The following LCLAT1 variants were observed in gnomAD, a reference collection of about 807,000 sequenced individuals.
LCLAT1 encodes lysocardiolipin acyltransferase 1.
LCLAT1 carries 11 observed loss-of-function variants against 30.7 expected under a neutral mutation model. The ratio of observed to expected loss-of-function variants is 0.36; its 90% CI spans 0.23 to 0.59. The LOEUF (loss-of-function observed/expected upper bound fraction) is 0.59. LCLAT1 is among the 20% of genes least tolerant of loss of function. The pLI is 0.77. For synonymous variants in LCLAT1, 155 were observed against 151.3 expected, an observed-to-expected ratio of 1.02 and a Z score of -0.18; for missense variants, 402 against 458.6, an observed-to-expected ratio of 0.88 and a Z score of 1.13.
chr2:30,561,994 C>T, intron 3 of LCLAT1, 152 bp from the exon 4 acceptor site: 1 of 447,378 alleles, frequency 2.2e-6, no homozygotes, highest in South Asian at 8.2e-5. Context: ...GTTATTTAAC[C>T]CAAGATCAGT....
intron 3 of LCLAT1, among the ~76,000 whole-genome samples, chr2:30,552,916 G>A (rs755046392): frequency 2.0e-5 from 3 of 152,146 alleles, no homozygotes; most frequent in South Asian, 2.1e-4. Flanking sequence ...TTCTGTGGTT[G>A]CATCCACATC....
rs550434062 is a variant in LCLAT1, at chr2:30,641,319, G to A, written c.*700G>A. 6.6e-6 allele frequency: 1 copy of A among 152,298 alleles called. No individual in the cohort carries two copies. The highest frequency in any genetic ancestry group is 6.5e-5 in the Admixed American group (1 of 15,298). The allele number at this position is 152,298 out of a possible 1,614,324, so 9.4% of individuals were successfully genotyped here. A position where few individuals can be genotyped will look rare whatever the true frequency, so the allele number is the denominator to read the frequency against. On this transcript the variant is annotated 3_prime_UTR_variant, in exon 6 of 6. Coordinates refer to ENST00000379509, the MANE Select transcript of LCLAT1 (RefSeq NM_001002257.3). ...ACTTTAGTTTGAATTTTAAAAGATA[G>A]GAAGTAATACAGTTTAAGTTCCTTT...
intron 5 of LCLAT1, among the ~76,000 whole-genome samples, chr2:30,603,752 A>G (rs910785576): frequency 1.3e-5 from 2 of 152,178 alleles, no homozygotes; most frequent in Admixed American, 6.6e-5. Flanking sequence ...ATGTAAGATT[A>G]TAGTCCTGAT....
At chr2:30,636,473 G>GAACT (rs1331013652) in intron 5 of LCLAT1, among the ~76,000 whole-genome samples, 1 of 152,106 alleles carries the variant, frequency 6.6e-6, no homozygotes, top group Non-Finnish European at 1.5e-5. Flanking sequence ...ATAGATATAG[G>GAACT]AACTAAGTAA....
chr2:30,633,038 C>T (rs1210422683), intron 5 of LCLAT1, among the ~76,000 whole-genome samples: 1 of 152,152 alleles, frequency 6.6e-6, no homozygotes, highest in Non-Finnish European at 1.5e-5. Flanking sequence ...CTAAATATAT[C>T]TGAATCAATC....
chr2:30,504,713 T>TC (rs1300930029), intron 1 of LCLAT1, among the ~76,000 whole-genome samples: 1 of 152,142 alleles, frequency 6.6e-6, no homozygotes, highest in Non-Finnish European at 1.5e-5. Flanking sequence ...CTTTTCTCTC[T>TC]CCCTTCTTTC....
At chr2:30,557,028 G>A (rs7603947) in intron 3 of LCLAT1, among the ~76,000 whole-genome samples, 19,321 of 152,010 alleles carry the variant, frequency 0.13, 1,358 homozygotes, top group South Asian at 0.23. Flanking sequence ...ACAGGCATGA[G>A]CCACCATGCC....
At chr2:30,453,649 T>G (rs1181518818) in intron 1 of LCLAT1, among the ~76,000 whole-genome samples, 1 of 152,200 alleles carries the variant, frequency 6.6e-6, no homozygotes, top group African/African-American at 2.4e-5. Flanking sequence ...GTCTTTGAGC[T>G]TACTGTGTAG....
At chr2:30,464,420 G>C (rs1468722464) in intron 1 of LCLAT1, among the ~76,000 whole-genome samples, 1 of 152,090 alleles carries the variant, frequency 6.6e-6, no homozygotes, top group African/African-American at 2.4e-5. Flanking sequence ...AATAAATTTT[G>C]CTGCCTTTGG....
At chr2:30,554,074 T>C (rs970592975) in intron 3 of LCLAT1, among the ~76,000 whole-genome samples, 3 of 152,072 alleles carry the variant, frequency 2.0e-5, no homozygotes, top group Admixed American at 6.5e-5. Flanking sequence ...ACATTTAAGC[T>C]AAAAGAAGTA....
intron 5 of LCLAT1, among the ~76,000 whole-genome samples, chr2:30,638,407 A>G (rs1669138781): frequency 6.6e-6 from 1 of 152,184 alleles, no homozygotes; most frequent in South Asian, 2.1e-4. Context: ...CACCCAGAAA[A>G]TTTCCTTATG....
At chr2:30,623,910 C>A (rs1219841199) in intron 5 of LCLAT1, among the ~76,000 whole-genome samples, 8 of 152,176 alleles carry the variant, frequency 5.3e-5, no homozygotes, top group Admixed American at 1.3e-4. Context: ...AGATTAACAG[C>A]AGATTTCTCA....
chr2:30,488,157 C>G (rs890792985), intron 1 of LCLAT1, among the ~76,000 whole-genome samples: 1 of 152,184 alleles, frequency 6.6e-6, no homozygotes, highest in Non-Finnish European at 1.5e-5. Flanking sequence ...GAATGTTTGG[C>G]TTTGTAGTAG....
intron 5 of LCLAT1, among the ~76,000 whole-genome samples, chr2:30,630,603 T>G (rs1668721162): frequency 6.6e-6 from 1 of 152,248 alleles, no homozygotes; most frequent in South Asian, 2.1e-4. Context: ...ATATAAAATT[T>G]TATGTCTAAA....
intron 5 of LCLAT1, among the ~76,000 whole-genome samples, chr2:30,617,344 A>T (rs1406524007): frequency 6.6e-6 from 1 of 152,076 alleles, no homozygotes; most frequent in Non-Finnish European, 1.5e-5. Context: ...TTTCATCCAT[A>T]TTGCTGCATG....
chr2:30,486,451 C>T (rs1683560295), intron 1 of LCLAT1, among the ~76,000 whole-genome samples: 1 of 152,158 alleles, frequency 6.6e-6, no homozygotes, highest in African/African-American at 2.4e-5. Context: ...ACTGACCTAA[C>T]CACCCTTACT....
chr2:30,607,296 A>C (rs1667495553), intron 5 of LCLAT1: 1 of 152,154 alleles, frequency 6.6e-6, no homozygotes. Flanking sequence ...TCAGCTTCCC[A>C]AAGTGCTGGG....
rs188917983 is a variant in LCLAT1, at chr2:30,622,809, T to C, written c.629-17308T>C. Among the ~76,000 whole-genome samples the C allele has an allele frequency of 3.6e-3, 541 of 152,196 alleles. 3 individuals carry two copies. The highest frequency in any genetic ancestry group is 6.1e-3 in the Non-Finnish European group (418 of 68,026). On this transcript the variant is annotated intron_variant, in intron 5 of 5. Transcript: ENST00000379509. Reference sequence around the variant, plus strand: ...GGGACAAAAGAATCTGAACAGCAGCTCTTGAGCCCCCAATCTTTCCTCTGG... The same window carrying C: ...GGGACAAAAGAATCTGAACAGCAGCCCTTGAGCCCCCAATCTTTCCTCTGG...
chr2:30,559,893 A>C (rs1328343891), intron 3 of LCLAT1, among the ~76,000 whole-genome samples: 1 of 152,230 alleles, frequency 6.6e-6, no homozygotes, highest in Non-Finnish European at 1.5e-5. Flanking sequence ...CTTGTTAATT[A>C]ATAATAGCTA....
Sources: allele counts gnomAD v4.1 joint callset (sites outside exome capture counted in the v4.1 genomes callset), GRCh38; gene constraint gnomAD v4.1.1; transcripts MANE v1.5; gene names NCBI Gene and HGNC (gene_info 2026-07-23, HGNC 2026-07-21).